The following RIMS2 variants were observed in gnomAD, a reference collection of about 807,000 sequenced individuals.
The protein encoded by RIMS2 is regulating synaptic membrane exocytosis protein 2.
In RIMS2, 59 loss-of-function variants were observed where a neutral mutation model predicts 174.4. That is an observed-to-expected ratio of 0.34 (90% confidence interval 0.27 to 0.42). RIMS2 has a LOEUF of 0.42. Among genes scored for constraint, RIMS2 ranks in the 10% least tolerant of loss-of-function variants. The pLI is 1.00. For missense variants in RIMS2, 1,620 were observed against 1,666.3 expected, an observed-to-expected ratio of 0.97 and a Z score of 0.48; for synonymous variants, 606 against 572.5, an observed-to-expected ratio of 1.06 and a Z score of -0.84.
chr8:103,596,786 T>TA (rs57861099), intron 1 of RIMS2, among the ~76,000 whole-genome samples: 27,631 of 151,796 alleles, frequency 0.18, 2,756 homozygotes, highest in African/African-American at 0.26. Context: ...AAAATAATAA[T>TA]AAGAAAAAAG....
rs966441253 is a variant in RIMS2, at chr8:104,089,433, A to G, written c.3334+74818A>G. ...TGTTGACTGTAGTATTAAGTTGTTT[A>G]GTACTTAGATTTCTGGGGGTGGGGG... On this transcript the variant is annotated intron_variant, in intron 19 of 23. Coordinates refer to ENST00000504942, the Ensembl canonical transcript of RIMS2. Among the ~76,000 whole-genome samples the G allele has an allele frequency of 2.0e-5, 3 of 151,992 alleles. No homozygotes were observed. In the South Asian group the frequency reaches 6.2e-4, roughly 31 times the overall value.
chr8:103,652,687 A>G (rs749854874), intron 1 of RIMS2: 10 of 1,350,424 alleles, frequency 7.4e-6, no homozygotes, highest in Non-Finnish European at 8.8e-6. Flanking sequence ...AGCAAAAACA[A>G]CAAAATGAAA....
chr8:103,909,312 G>C (rs2075172671), intron 4 of RIMS2, among the ~76,000 whole-genome samples: 1 of 151,828 alleles, frequency 6.6e-6, no homozygotes, highest in Admixed American at 6.6e-5. Flanking sequence ...AAAAATTTAA[G>C]ATAAAAATAT....
chr8:103,609,329 T>C (rs1257717480), intron 1 of RIMS2, among the ~76,000 whole-genome samples: 1 of 152,260 alleles, frequency 6.6e-6, no homozygotes, highest in Non-Finnish European at 1.5e-5. Context: ...TGTTGATAAT[T>C]TCTTTTGCTG....
At chr8:103,921,485 A>G (rs1201138567) in intron 9 of RIMS2, among the ~76,000 whole-genome samples, 187 bp from the exon 13 acceptor site, 6 of 152,192 alleles carry the variant, frequency 3.9e-5, no homozygotes, top group South Asian at 4.1e-4. Context: ...GAGAATCCCT[A>G]TAGTGCCCTT....
rs183060825 is a variant in RIMS2, at chr8:104,128,527, A to G, written c.3334+113912A>G. Among the ~76,000 whole-genome samples, 476 of 152,150 alleles carry G rather than the reference A, an allele frequency of 3.1e-3. 1 individual carries two copies. Among genetic ancestry groups the G allele is most frequent in the Middle Eastern group, 0.024 (7 of 294 alleles). On this transcript the variant is annotated intron_variant, in intron 19 of 23. Coordinates refer to ENST00000504942, the Ensembl canonical transcript of RIMS2. ...GCCTGACCAACATGGAGAAACACCC[A>G]TCTCTACTAAAAATACAAAATTAGC...
chr8:103,823,978 CATT>C (rs1200403859), intron 3 of RIMS2, among the ~76,000 whole-genome samples: 5 of 151,832 alleles, frequency 3.3e-5, no homozygotes, highest in Non-Finnish European at 5.9e-5. Flanking sequence ...ATAACTATAA[CATT>C]ATTCATTATA....
At chr8:103,861,127 T>G (rs905455793) in intron 3 of RIMS2, among the ~76,000 whole-genome samples, 1 of 146,318 alleles carries the variant, frequency 6.8e-6, no homozygotes, top group Non-Finnish European at 1.5e-5. Flanking sequence ...CTCACCCCCC[T>G]CCTAAGCCCC....
chr8:103,814,179 T>C (rs1433322807), intron 3 of RIMS2, among the ~76,000 whole-genome samples: 7 of 152,132 alleles, frequency 4.6e-5, no homozygotes, highest in Non-Finnish European at 2.9e-5. Flanking sequence ...TTCTCACTTA[T>C]AAATGGGAGC....
intron 1 of RIMS2, among the ~76,000 whole-genome samples, chr8:103,656,731 G>A (rs752850785): frequency 3.9e-5 from 6 of 152,160 alleles, no homozygotes; most frequent in Non-Finnish European, 7.4e-5. Context: ...ATGAGTAGTG[G>A]AGAGAGAGGC....
intron 19 of RIMS2, among the ~76,000 whole-genome samples, chr8:104,034,588 G>A (rs1471783106): frequency 6.7e-6 from 1 of 149,580 alleles, no homozygotes; most frequent in Non-Finnish European, 1.5e-5. Flanking sequence ...TCCTGCCTCA[G>A]CCTACCAAGT....
At chr8:104,089,637 T>G (rs1279489885) in intron 19 of RIMS2, among the ~76,000 whole-genome samples, 1 of 151,860 alleles carries the variant, frequency 6.6e-6, no homozygotes, top group Non-Finnish European at 1.5e-5. Flanking sequence ...ACATGCTCAG[T>G]GGCTTAGAAG....
chr8:103,973,001 A>C (rs1486254273), intron 15 of RIMS2, among the ~76,000 whole-genome samples: 1 of 152,236 alleles, frequency 6.6e-6, no homozygotes, highest in Non-Finnish European at 1.5e-5. Flanking sequence ...CAAATTGGAC[A>C]GCACTGATAG....
rs532258380 is a variant in RIMS2 at position 104,199,094 on chromosome 8, C to T, written c.3335-45822C>T. On this transcript the variant is annotated intron_variant, in intron 19 of 23. Transcript: ENST00000504942. ...TATTTTATTTTGAGACGGAGTCTCT[C>T]TTTGTCGCTCAGGCTGGAGTGCAGT... is the stretch of plus-strand genomic sequence containing the variant. 8.8e-4 allele frequency among the ~76,000 whole-genome samples: 134 copies of T among 152,100 alleles called. 2 individuals are homozygous for T. Among genetic ancestry groups the T allele is most frequent in the African/African-American group, 3.0e-3 (126 of 41,542 alleles).
intron 1 of RIMS2, among the ~76,000 whole-genome samples, chr8:103,601,712 G>T (rs11785526): frequency 0.18 from 27,682 of 151,604 alleles, 2,771 homozygotes; most frequent in African/African-American, 0.26. Context: ...TTTATTTTCT[G>T]GTTGTTTAGG....
At position 104,145,655 on chromosome 8, in the gene RIMS2, G is replaced by A. The variant is rs907829023; in HGVS notation, c.3335-99261G>A. Among the ~76,000 whole-genome samples, 12 of 124,644 alleles carry A rather than the reference G, an allele frequency of 9.6e-5. No homozygotes were observed. The South Asian group carries it at 1.3e-3, about 14-fold the overall frequency. 81.8% of individuals were successfully genotyped at this position (124,644 alleles called of 152,430 possible). ...AGCCTGACCAACATGGAGAAACCCCGTCTCTACTAAAAATACAATAAATAA... is the reference window on the plus strand; with the variant it reads ...AGCCTGACCAACATGGAGAAACCCCATCTCTACTAAAAATACAATAAATAA... On this transcript the variant is annotated intron_variant, in intron 19 of 23. Coordinates refer to ENST00000504942, the Ensembl canonical transcript of RIMS2.
intron 1 of RIMS2, among the ~76,000 whole-genome samples, chr8:103,614,251 C>A (rs140631946): frequency 2.7e-4 from 41 of 152,346 alleles, no homozygotes; most frequent in African/African-American, 9.6e-4. Flanking sequence ...AGGTCTGGTC[C>A]GTTTGCTCTC....
chr8:104,178,802 C>T (rs148113345), intron 19 of RIMS2, among the ~76,000 whole-genome samples: 140 of 151,622 alleles, frequency 9.2e-4, no homozygotes, highest in Middle Eastern at 3.4e-3. Flanking sequence ...GTTTGTACAC[C>T]CAATCATGCA....
At chr8:103,591,590 A>G (rs1292690907) in intron 1 of RIMS2, among the ~76,000 whole-genome samples, 3 of 151,268 alleles carry the variant, frequency 2.0e-5, no homozygotes, top group Non-Finnish European at 3.0e-5. Flanking sequence ...TGTATGTGGT[A>G]TGAAGTGAGG....
Sources: gnomAD v4.1 joint callset for allele counts (sites outside exome capture counted in the v4.1 genomes callset) on GRCh38, gnomAD v4.1.1 for gene constraint, MANE v1.5 for transcripts, NCBI Gene and HGNC (gene_info 2026-07-23, HGNC 2026-07-21) for gene names.